Variants in CPEB4 observed in about 807,000 individuals in gnomAD.
CPEB4 encodes cytoplasmic polyadenylation element binding protein 4.
CPEB4 carries 12 observed loss-of-function variants against 72.5 expected under a neutral mutation model. The observed-to-expected ratio is 0.17, with a 90% CI of 0.11 to 0.27. CPEB4 has a LOEUF of 0.27. Ranked by LOEUF, CPEB4 falls within the 10% of genes least tolerant of loss-of-function variation. CPEB4 has a pLI of 1.00. For missense variants in CPEB4, 614 were observed against 908.5 expected (o/e 0.68, Z 4.17); for synonymous variants, 302 against 326.3 (o/e 0.93, Z 0.80).
chr5:173,918,063 C>T (rs571955319), intron 2 of CPEB4, among the ~76,000 whole-genome samples: 2 of 152,126 alleles, frequency 1.3e-5, no homozygotes, highest in African/African-American at 2.4e-5. Context: ...TAATGGAGGA[C>T]GTTAAATAGC....
rs1416623896 is a variant in CPEB4, at chr5:173,959,769, TG to T, written c.*3633del. The T allele has an allele frequency of 6.6e-6, 1 of 152,476 alleles. No individual in the cohort carries two copies. Among genetic ancestry groups the T allele is most frequent in the Non-Finnish European group, 1.5e-5 (1 of 67,984 alleles). 9.4% of individuals were successfully genotyped at this position (152,476 alleles called of 1,614,324 possible). The stretch of plus-strand genomic sequence containing the variant: ...TTATTTTATTATTTTAAAGCTACTG[TG>T]ATTGATAGCATTGTAAGAATCGGGA... On this transcript the variant is annotated 3_prime_UTR_variant, in exon 10 of 10. Coordinates refer to ENST00000265085, the MANE Select transcript of CPEB4 (RefSeq NM_030627.4).
chr5:173,901,888 C>T (rs1483208366), intron 1 of CPEB4, among the ~76,000 whole-genome samples: 3 of 152,046 alleles, frequency 2.0e-5, no homozygotes, highest in African/African-American at 4.8e-5. Flanking sequence ...AAGCTCATGG[C>T]GCATGGTGAT....
At chr5:173,949,327 G>A (rs1046924196) in intron 5 of CPEB4, among the ~76,000 whole-genome samples, 181 bp from the exon 6 acceptor site, 4 of 152,156 alleles carry the variant, frequency 2.6e-5, no homozygotes, top group African/African-American at 9.7e-5. Context: ...AAGAGGAAGA[G>A]AGAAGAAAGA....
intron 2 of CPEB4, among the ~76,000 whole-genome samples, chr5:173,931,926 A>G (rs746779523): frequency 2.0e-5 from 3 of 152,168 alleles, no homozygotes; most frequent in Non-Finnish European, 4.4e-5. Flanking sequence ...GTGAGTGCCT[A>G]CTGTGCCCTG....
At chr5:173,898,086 T>G (rs759093561) in intron 1 of CPEB4, among the ~76,000 whole-genome samples, 1 of 152,210 alleles carries the variant, frequency 6.6e-6, no homozygotes, top group Non-Finnish European at 1.5e-5. Context: ...GGTTGGGCAA[T>G]TTCTATTTGC....
chr5:173,934,828 C>T (rs1173030194), intron 3 of CPEB4, among the ~76,000 whole-genome samples: 1 of 152,082 alleles, frequency 6.6e-6, no homozygotes, highest in Non-Finnish European at 1.5e-5. Context: ...TTTTAGTGAC[C>T]TTGATCAAGA....
At chr5:173,949,166 C>T (rs1758133851) in intron 5 of CPEB4, among the ~76,000 whole-genome samples, 2 of 152,124 alleles carry the variant, frequency 1.3e-5, no homozygotes, top group South Asian at 4.1e-4. Context: ...AGTGTTATAT[C>T]AAAATTGATA....
In CPEB4 at chr5:173,958,839, A is replaced by C. The variant is rs1758458558; in HGVS notation, c.*2702A>C. 6.5e-6 allele frequency: 1 copy of C among 152,680 alleles called. No individual in the cohort carries two copies. Among genetic ancestry groups the C allele is most frequent in the Non-Finnish European group, 1.5e-5 (1 of 68,020 alleles). The allele number at this position is 152,680 out of a possible 1,614,324, so 9.5% of individuals were successfully genotyped here. ...TTTTAATATTAATAAATTGATGTTA[A>C]GTGTTTGATTCAGAGATGTCTGCTC... On this transcript the variant is annotated 3_prime_UTR_variant, in exon 10 of 10. Coordinates refer to ENST00000265085, the MANE Select transcript of CPEB4 (RefSeq NM_030627.4).
intron 1 of CPEB4, among the ~76,000 whole-genome samples, chr5:173,904,614 G>C (rs1472757200): frequency 6.6e-6 from 1 of 152,132 alleles, no homozygotes; most frequent in Non-Finnish European, 1.5e-5. Context: ...AGAACCCTTA[G>C]AGTGCCTCCT....
intron 1 of CPEB4, among the ~76,000 whole-genome samples, chr5:173,899,311 T>G (rs1756138778): frequency 6.6e-6 from 1 of 152,210 alleles, no homozygotes. Flanking sequence ...TTGCTTCATA[T>G]CATATTATTT....
intron 2 of CPEB4, among the ~76,000 whole-genome samples, chr5:173,920,200 T>A (rs1410397425): frequency 6.6e-6 from 1 of 152,194 alleles, no homozygotes; most frequent in East Asian, 1.9e-4. Context: ...ACCAGTCAAT[T>A]AAGAACATTA....
At position 173,955,580 on chromosome 5, in the gene CPEB4, G is replaced by A. The variant is rs1758353639; in HGVS notation, c.1963-330G>A. Among the ~76,000 whole-genome samples, 1 of 152,180 alleles carries A rather than the reference G, an allele frequency of 6.6e-6. No homozygotes were observed. The highest frequency in any genetic ancestry group is 2.4e-5 in the African/African-American group (1 of 41,440). On this transcript the variant is annotated intron_variant, in intron 9 of 9. Coordinates refer to ENST00000265085, the MANE Select transcript of CPEB4 (RefSeq NM_030627.4). This position sits in a 1 kb window ranked among gnomAD's most constrained non-coding sequence, Gnocchi z 4.7. ...AAAATCCAGATCCACTAATTAAAATGAGGGTTTATGTCTATGAATAATCTC... is the reference window on the plus strand; with the variant it reads ...AAAATCCAGATCCACTAATTAAAATAAGGGTTTATGTCTATGAATAATCTC...
At chr5:173,951,016 C>T (rs1405207356) in intron 7 of CPEB4, among the ~76,000 whole-genome samples, 1 of 152,200 alleles carries the variant, frequency 6.6e-6, no homozygotes, top group Non-Finnish European at 1.5e-5. Flanking sequence ...AAGCAAATAA[C>T]ATCTGTGGAG....
chr5:173,937,297 C>T (rs1349330149), intron 3 of CPEB4, among the ~76,000 whole-genome samples: 7 of 152,130 alleles, frequency 4.6e-5, no homozygotes, highest in Non-Finnish European at 7.4e-5. Context: ...CCTGCCTCGG[C>T]CTTCCAAAGT....
intron 2 of CPEB4, among the ~76,000 whole-genome samples, chr5:173,915,284 T>G (rs1003997809): frequency 3.3e-5 from 5 of 152,204 alleles, no homozygotes; most frequent in African/African-American, 1.2e-4. Context: ...ATAGCTTTCA[T>G]AATTCGTATT....
chr5:173,915,687 A>G (rs1038104275), intron 2 of CPEB4, among the ~76,000 whole-genome samples: 1 of 152,222 alleles, frequency 6.6e-6, no homozygotes, highest in Non-Finnish European at 1.5e-5. Context: ...ACAGAAAACT[A>G]TTTTATTGCT....
chr5:173,892,828 A>G (rs1204178577), intron 1 of CPEB4, among the ~76,000 whole-genome samples: 1 of 152,230 alleles, frequency 6.6e-6, no homozygotes, highest in Non-Finnish European at 1.5e-5. Flanking sequence ...AATAATAGTT[A>G]GACTAAGATT....
intron 1 of CPEB4, among the ~76,000 whole-genome samples, chr5:173,894,318 A>G (rs1314845210): frequency 6.6e-6 from 1 of 152,124 alleles, no homozygotes; most frequent in Non-Finnish European, 1.5e-5. Context: ...AGTAATATGC[A>G]TATAATAATA....
At chr5:173,949,438 TAAA>T (rs753616030) in intron 5 of CPEB4, 67 bp from the exon 6 acceptor site, 9 of 1,171,180 alleles carry the variant, frequency 7.7e-6, no homozygotes, top group Admixed American at 2.0e-5. Context: ...ATTTGAAACT[TAAA>T]AGAAAAACTT....
Sources: allele counts gnomAD v4.1 joint callset (sites outside exome capture counted in the v4.1 genomes callset), GRCh38; gene constraint gnomAD v4.1.1; non-coding constraint Gnocchi (gnomAD v3.1); transcripts MANE v1.5; gene names NCBI Gene and HGNC (gene_info 2026-07-23, HGNC 2026-07-21).